NBEA: variants seen among roughly 807,000 people sequenced by gnomAD.
The protein encoded by NBEA is neurobeachin.
Under a neutral mutation model 343.4 loss-of-function variants are expected in NBEA, and 44 were observed. The observed-to-expected ratio is 0.13, with a 90% CI of 0.10 to 0.16. NBEA has a LOEUF of 0.16. NBEA is among the 10% of genes least tolerant of loss of function. The pLI, the probability that NBEA is intolerant of heterozygous loss-of-function variation, is 1.00. For missense variants in NBEA, 2,555 were observed against 3,631.3 expected, an observed-to-expected ratio of 0.70 and a Z score of 7.62; for synonymous variants, 1,175 against 1,238.7, an observed-to-expected ratio of 0.95 and a Z score of 1.08.
chr13:35,240,126 T>C (rs886596472), intron 34 of NBEA, among the ~76,000 whole-genome samples: 1 of 151,742 alleles, frequency 6.6e-6, no homozygotes, highest in Non-Finnish European at 1.5e-5. Flanking sequence ...TTTAAATCTA[T>C]GTATTCGTAA....
intron 36 of NBEA, among the ~76,000 whole-genome samples, chr13:35,337,196 AC>A (rs889865269): frequency 1.8e-4 from 27 of 152,258 alleles, no homozygotes; most frequent in African/African-American, 5.8e-4. Context: ...AGTGAAATGA[AC>A]TTTCCAATTA....
In NBEA at chr13:35,070,825, A is replaced by G. The variant is rs762397916; in HGVS notation, c.1544A>G (p.Asn515Ser). 9 of 1,610,038 alleles carry G rather than the reference A, an allele frequency of 5.6e-6. No homozygotes were observed. Among genetic ancestry groups the G allele is most frequent in the Middle Eastern group, 2.3e-4 (1 of 4,436 alleles). ...LFAQLDNRQL[N>S]DSQVETTVCA... Reference sequence around the variant, plus strand: ...GCCCAATTGGATAATAGGCAGCTCAATGACAGTCAAGTGGAAACAACTGTC... The same window carrying G: ...GCCCAATTGGATAATAGGCAGCTCAGTGACAGTCAAGTGGAAACAACTGTC... Residue 515 changes from asparagine (N) to serine (S), a missense_variant, in exon 10 of 59, where the codon AAT (asparagine) becomes AGT (serine). Asn to Ser is a conservative substitution (Grantham distance 46). Coordinates refer to ENST00000379939, the MANE Select transcript of NBEA (RefSeq NM_001385012.1).
chr13:35,050,787 G>A (rs2152563663), intron 6 of NBEA, among the ~76,000 whole-genome samples: 1 of 152,036 alleles, frequency 6.6e-6, no homozygotes, highest in East Asian at 1.9e-4. Context: ...TTTTGTGGGA[G>A]ATTAACCTAA....
rs372058255 is a variant in NBEA, at chr13:35,159,731, T to C, written c.3560T>C (p.Leu1187Pro). The change falls in exon 22 of 59, where the codon CTT becomes CCT. Residue 1187 changes from leucine (L) to proline (P), a missense_variant. Coordinates refer to ENST00000379939, the MANE Select transcript of NBEA (RefSeq NM_001385012.1). ...HLGVSDDLGLLAHMTGSVDLT... is the reference protein window; with the variant it reads ...HLGVSDDLGLPAHMTGSVDLT... ...GGTGTTAGTGATGATCTTGGATTGC[T>C]TGCTCACATGACCGGTAGCGTAGAC... 1.2e-6 allele frequency: 2 copies of C among 1,613,384 alleles called. No individual in the cohort carries two copies. The highest frequency in any genetic ancestry group is 8.5e-7 in the Non-Finnish European group (1 of 1,179,666).
At chr13:34,991,246 G>T (rs2152515937) in intron 1 of NBEA, among the ~76,000 whole-genome samples, 1 of 152,258 alleles carries the variant, frequency 6.6e-6, no homozygotes, top group Non-Finnish European at 1.5e-5. Flanking sequence ...CCACTCTCCA[G>T]TGCCAATTTT....
chr13:35,566,339 C>T (rs764772800), intron 44 of NBEA, among the ~76,000 whole-genome samples: 6 of 151,486 alleles, frequency 4.0e-5, no homozygotes, highest in Admixed American at 6.6e-5. Flanking sequence ...CCAGCCTGGG[C>T]GACAGAGGGA....
chr13:35,667,462 T>C lies in NBEA; in HGVS notation c.8553T>C (p.Ser2851=). The C allele has an allele frequency of 6.2e-7, 1 of 1,613,850 alleles. No individual in the cohort carries two copies. The highest frequency in any genetic ancestry group is 8.5e-7 in the Non-Finnish European group (1 of 1,179,720). ...ACTGCTTATTCCCACGCTTGATATC[T>C]GTCTCCAGCGAAGGCCACTGTATCA... ...PENCLFPRLI[S]VSSEGHCIIY... The change falls in exon 57 of 59, where the codon TCT becomes TCC. Residue 2851 remains serine, a synonymous_variant. Transcript: ENST00000379939.
intron 55 of NBEA, among the ~76,000 whole-genome samples, chr13:35,661,337 A>G (rs1370672245): frequency 6.6e-6 from 1 of 152,194 alleles, no homozygotes; most frequent in Non-Finnish European, 1.5e-5. Context: ...CTTCAAGAGA[A>G]GAGGTTGTCC....
intron 33 of NBEA, among the ~76,000 whole-genome samples, chr13:35,215,921 C>T (rs2074040148): frequency 6.6e-6 from 1 of 151,312 alleles, no homozygotes; most frequent in African/African-American, 2.4e-5. Context: ...TTATTTTTGT[C>T]TTCAATGAAT....
At chr13:35,286,139 A>G (rs1432888330) in intron 34 of NBEA, among the ~76,000 whole-genome samples, 1 of 152,100 alleles carries the variant, frequency 6.6e-6, no homozygotes, top group African/African-American at 2.4e-5. Flanking sequence ...ATTCTCTATC[A>G]TGATTATTTG....
chr13:34,979,565 T>A (rs1176030867), intron 1 of NBEA, among the ~76,000 whole-genome samples: 2 of 152,206 alleles, frequency 1.3e-5, no homozygotes, highest in South Asian at 2.1e-4. Context: ...AAGTACCTAT[T>A]CAAATCTTTT....
chr13:35,010,412 TA>T (rs891190991), intron 1 of NBEA, among the ~76,000 whole-genome samples: 2 of 151,642 alleles, frequency 1.3e-5, no homozygotes, highest in Non-Finnish European at 1.5e-5. Context: ...ACCTCATTTC[TA>T]CAAAAAGCGA....
chr13:35,587,249 G>C (rs1186898219), intron 46 of NBEA, among the ~76,000 whole-genome samples: 2 of 152,168 alleles, frequency 1.3e-5, no homozygotes, highest in African/African-American at 2.4e-5. Flanking sequence ...GCTAAGAAAA[G>C]ATGTACCTGG....
intron 17 of NBEA, among the ~76,000 whole-genome samples, chr13:35,133,868 G>T (rs1405476059): frequency 6.6e-6 from 1 of 151,876 alleles, no homozygotes; most frequent in Non-Finnish European, 1.5e-5. Flanking sequence ...TGGGATGATG[G>T]ACAGGTATCC....
chr13:35,565,846 C>T (rs987918915), intron 44 of NBEA, among the ~76,000 whole-genome samples: 24 of 152,000 alleles, frequency 1.6e-4, no homozygotes, highest in Non-Finnish European at 2.9e-4. Context: ...ACCCTAAGAT[C>T]GAGCAGTTCT....
intron 36 of NBEA, among the ~76,000 whole-genome samples, chr13:35,343,262 G>T (rs962171616): frequency 2.6e-5 from 4 of 151,972 alleles, no homozygotes; most frequent in African/African-American, 9.7e-5. Context: ...AAAAATTGAT[G>T]AAACATCAGG....
chr13:35,351,345 G>A (rs2040189763), intron 37 of NBEA, among the ~76,000 whole-genome samples: 2 of 151,632 alleles, frequency 1.3e-5, no homozygotes, highest in African/African-American at 2.4e-5. Context: ...GTAGTTTTCT[G>A]TATAAAAACT....
At chr13:35,384,822 G>A (rs537662948) in intron 38 of NBEA, among the ~76,000 whole-genome samples, 5 of 152,088 alleles carry the variant, frequency 3.3e-5, no homozygotes, top group South Asian at 2.1e-4. Flanking sequence ...CACCGCGCCC[G>A]GCCTGTTTTT....
chr13:35,568,407 A>T (rs1316393054), intron 45 of NBEA, among the ~76,000 whole-genome samples: 1 of 152,148 alleles, frequency 6.6e-6, no homozygotes, highest in Non-Finnish European at 1.5e-5. Context: ...AAATATAGTA[A>T]TTCTTCCAAG....
Sources: allele counts gnomAD v4.1 joint callset (sites outside exome capture counted in the v4.1 genomes callset), GRCh38; gene constraint gnomAD v4.1.1; transcripts MANE v1.5; gene names NCBI Gene and HGNC (gene_info 2026-07-23, HGNC 2026-07-21).